Variants in CNPY1 observed in about 807,000 individuals in gnomAD.
CNPY1 encodes protein canopy homolog 1.
Under a neutral mutation model 14.4 loss-of-function variants are expected in CNPY1, and 14 were observed. That is an observed-to-expected ratio of 0.97 (90% CI 0.64 to 1.52). The LOEUF is 1.52. Ranked by LOEUF, CNPY1 falls within the 40% of genes most tolerant of loss-of-function variation. The pLI is 0.00. For synonymous variants in CNPY1, 43 were observed against 46.5 expected, an observed-to-expected ratio of 0.92 and a Z score of 0.31; for missense variants, 129 against 131.5, an observed-to-expected ratio of 0.98 and a Z score of 0.09.
At chr7:155,517,462 G>T (rs1397678968) in intron 2 of CNPY1, among the ~76,000 whole-genome samples, 2 of 152,182 alleles carry the variant, frequency 1.3e-5, no homozygotes, top group Non-Finnish European at 2.9e-5. Flanking sequence ...GTCACAGCGT[G>T]ACGTCCTCCT....
intron 4 of CNPY1, 108 bp downstream of exon 4, chr7:155,506,912 G>A (rs566459504): frequency 3.5e-5 from 24 of 684,524 alleles, no homozygotes; most frequent in South Asian, 9.2e-5. Context: ...TGTCAGAGCC[G>A]TGGATCGCAG....
chr7:155,529,686 A>G (rs55684138), intron 2 of CNPY1, among the ~76,000 whole-genome samples: 38,926 of 151,160 alleles, frequency 0.26, 5,871 homozygotes, highest in East Asian at 0.32. Context: ...GCCCTGCCCC[A>G]CCCCACCCTG....
chr7:155,520,709 A>G (rs1796704889), intron 2 of CNPY1, among the ~76,000 whole-genome samples: 1 of 152,058 alleles, frequency 6.6e-6, no homozygotes. Flanking sequence ...TTAAAAATTA[A>G]TAATCTCAAA....
chr7:155,532,574 T>C (rs1056402628), intron 2 of CNPY1, among the ~76,000 whole-genome samples: 2 of 151,186 alleles, frequency 1.3e-5, no homozygotes, highest in Non-Finnish European at 2.9e-5. Flanking sequence ...TGAGCCGAGA[T>C]CGCGCCACTG....
At chr7:155,509,370 T>C (rs578253362) in intron 2 of CNPY1, among the ~76,000 whole-genome samples, 2 of 152,300 alleles carry the variant, frequency 1.3e-5, no homozygotes, top group Admixed American at 1.3e-4. Context: ...CTAGAAACTA[T>C]ACCTCTACAT....
intron 2 of CNPY1, among the ~76,000 whole-genome samples, chr7:155,512,164 A>G (rs1796544265): frequency 6.6e-6 from 1 of 152,214 alleles, no homozygotes; most frequent in Admixed American, 6.5e-5. Context: ...GGACTGTCTC[A>G]GAGATACTAA....
At chr7:155,517,103 A>G (rs915693269) in intron 2 of CNPY1, among the ~76,000 whole-genome samples, 3 of 152,150 alleles carry the variant, frequency 2.0e-5, no homozygotes, top group Non-Finnish European at 4.4e-5. Flanking sequence ...CCCAAAATCC[A>G]TATGTTGAAG....
chr7:155,536,365 G>A lies in CNPY1; in HGVS notation c.99+9466C>T, dbSNP rs1238595428. On this transcript the variant is annotated intron_variant, in intron 2 of 4. Coordinates refer to ENST00000636446, the MANE Select transcript of CNPY1 (RefSeq NM_001393663.1). The surrounding 1 kb of genome is among the most constrained non-coding windows in gnomAD (Gnocchi z 4.1). ...TGAGACCTATAGTCATAGGTTTCAG[G>A]AAACTTCTCAGGTCACCAAATGCAT... 6.6e-6 allele frequency among the ~76,000 whole-genome samples: 1 copy of A among 152,132 alleles called. No homozygotes were observed. Among genetic ancestry groups the A allele is most frequent in the Non-Finnish European group, 1.5e-5 (1 of 68,032 alleles).
At chr7:155,535,471 C>G (rs10267242) in intron 2 of CNPY1, among the ~76,000 whole-genome samples, 1,863 of 152,292 alleles carry the variant, frequency 0.012, 33 homozygotes, top group African/African-American at 0.043. Context: ...CGAACACACA[C>G]AAGGCATAAG....
chr7:155,534,551 G>A (rs976878683), intron 2 of CNPY1, among the ~76,000 whole-genome samples: 3 of 152,218 alleles, frequency 2.0e-5, no homozygotes, highest in African/African-American at 7.2e-5. Flanking sequence ...GGGACTGACC[G>A]GGAAGGCGGA....
intron 3 of CNPY1, among the ~76,000 whole-genome samples, chr7:155,507,980 CA>C (rs1796386478): frequency 6.6e-6 from 1 of 152,192 alleles, no homozygotes; most frequent in Non-Finnish European, 1.5e-5. Context: ...GAAATACAAA[CA>C]CACGTATTCA....
intron 2 of CNPY1, among the ~76,000 whole-genome samples, chr7:155,534,630 C>T (rs571605593): frequency 6.6e-6 from 1 of 152,294 alleles, no homozygotes; most frequent in Admixed American, 6.5e-5. Flanking sequence ...CTGCACTGAG[C>T]GAGGCAGCCC....
At chr7:155,528,457 T>C (rs1003886058) in intron 2 of CNPY1, among the ~76,000 whole-genome samples, 5 of 152,208 alleles carry the variant, frequency 3.3e-5, no homozygotes, top group Non-Finnish European at 2.9e-5. Flanking sequence ...CGTGGGGGGA[T>C]CAGCTGCTGC....
At chr7:155,539,011 G>A (rs1425172108) in intron 2 of CNPY1, among the ~76,000 whole-genome samples, 1 of 152,164 alleles carries the variant, frequency 6.6e-6, no homozygotes, top group Non-Finnish European at 1.5e-5. Context: ...GCTGCCACCA[G>A]GGGCCAGGAG....
At chr7:155,541,883 T>A (rs902992125) in intron 2 of CNPY1, among the ~76,000 whole-genome samples, 4 of 152,194 alleles carry the variant, frequency 2.6e-5, no homozygotes, top group African/African-American at 7.2e-5. Context: ...ATAGAGGGGA[T>A]GCTTTGCTTG....
rs56296833 is a variant in CNPY1, at chr7:155,527,054, C to CTTTCTT, written c.100-17958_100-17957insAAGAAA. Among the ~76,000 whole-genome samples the CTTTCTT allele has an allele frequency of 3.7e-3, 335 of 90,344 alleles. 2 individuals are homozygous for CTTTCTT. Among genetic ancestry groups the CTTTCTT allele is most frequent in the African/African-American group, 0.012 (231 of 19,818 alleles). 59.3% of individuals were successfully genotyped at this position (90,344 alleles called of 152,430 possible). On this transcript the variant is annotated intron_variant, in intron 2 of 4. Coordinates refer to ENST00000636446, the MANE Select transcript of CNPY1 (RefSeq NM_001393663.1). ...TTTTTCTTTCTTTCTTTCTTTCTTT[C>CTTTCTT]TTTTTTTTTTTTTTTTTGAGACAGT...
At chr7:155,529,173 C>A (rs1339532731) in intron 2 of CNPY1, among the ~76,000 whole-genome samples, 1 of 152,146 alleles carries the variant, frequency 6.6e-6, no homozygotes, top group Admixed American at 6.5e-5. Context: ...CAGCTCCCAG[C>A]GAGTAGCCAG....
In CNPY1 at chr7:155,545,486, G is replaced by C. The variant is rs1797147743; in HGVS notation, c.99+345C>G. 2.0e-5 allele frequency among the ~76,000 whole-genome samples: 3 copies of C among 152,308 alleles called. No individual in the cohort carries two copies. In the South Asian group the frequency reaches 6.2e-4, roughly 32 times the overall value. On this transcript the variant is annotated intron_variant, in intron 2 of 4. Transcript: ENST00000636446. The stretch of plus-strand genomic sequence containing the variant: ...GTGGGGGAGGGAGTGTGGTACCCAG[G>C]AGAGGACTATTCTGCTTTGAGTGTC...
At chr7:155,515,870 TAAAAC>T (rs2116704367) in intron 2 of CNPY1, among the ~76,000 whole-genome samples, 1 of 152,154 alleles carries the variant, frequency 6.6e-6, no homozygotes, top group Non-Finnish European at 1.5e-5. Context: ...TTGATTTCTT[TAAAAC>T]AAAAACAAGA....
Sources: allele counts gnomAD v4.1 joint callset (sites outside exome capture counted in the v4.1 genomes callset), GRCh38; gene constraint gnomAD v4.1.1; non-coding constraint Gnocchi (gnomAD v3.1); transcripts MANE v1.5; gene names NCBI Gene and HGNC (gene_info 2026-07-23, HGNC 2026-07-21).